Variants in WDR72 observed in about 807,000 individuals in gnomAD.
The protein encoded by WDR72 is WD repeat domain 72.
Under a neutral mutation model 124.2 loss-of-function variants are expected in WDR72, and 120 were observed. That is an observed-to-expected ratio of 0.97 (90% CI 0.83 to 1.12). The LOEUF (loss-of-function observed/expected upper bound fraction) is 1.12. Among genes scored for constraint, WDR72 ranks in the 50% most tolerant of loss-of-function variants. The pLI is 0.00. For missense variants in WDR72, 1,387 were observed against 1,278.8 expected, an observed-to-expected ratio of 1.08 and a Z score of -1.29; for synonymous variants, 452 against 441.7, an observed-to-expected ratio of 1.02 and a Z score of -0.29.
rs1306389360 is a variant in WDR72 at position 53,692,069 on chromosome 15, T to A, written c.1765+7681A>T. Among the ~76,000 whole-genome samples the A allele has an allele frequency of 2.6e-5, 4 of 152,222 alleles. No individual in the cohort carries two copies. The East Asian group carries it at 7.7e-4, about 29-fold the overall frequency. On this transcript the variant is annotated intron_variant, in intron 13 of 19. Coordinates refer to ENST00000360509, the MANE Select transcript of WDR72 (RefSeq NM_182758.4). ...TTCAGATTAGTGAGAAAGACAGATG[T>A]TAACCCCAGAAATGTAATTATGAGA... is the stretch of plus-strand genomic sequence containing the variant.
intron 18 of WDR72, among the ~76,000 whole-genome samples, chr15:53,523,560 C>G (rs978301621): frequency 6.6e-6 from 1 of 152,004 alleles, no homozygotes; most frequent in Non-Finnish European, 1.5e-5. Flanking sequence ...TTCACGGCAT[C>G]AGCTTAAAAG....
intron 13 of WDR72, among the ~76,000 whole-genome samples, chr15:53,677,662 C>T (rs897471943): frequency 1.1e-4 from 17 of 152,134 alleles, no homozygotes; most frequent in Non-Finnish European, 2.2e-4. Flanking sequence ...CTTTGCTCCC[C>T]TTTTTCCTTC....
Position 53,577,563 on chromosome 15 carries a change from T to G in WDR72, c.3148+19516A>C, listed in dbSNP as rs116755796. ...TTCTACCTTGTGTCTTAGCACTGCTTTATAATGGATATATAAAGCAGTGTA... is the reference window on the plus strand; with the variant it reads ...TTCTACCTTGTGTCTTAGCACTGCTGTATAATGGATATATAAAGCAGTGTA... On this transcript the variant is annotated intron_variant, in intron 18 of 19. Coordinates refer to ENST00000360509, the MANE Select transcript of WDR72 (RefSeq NM_182758.4). Among the ~76,000 whole-genome samples, 394 of 152,286 alleles carry G rather than the reference T, an allele frequency of 2.6e-3. 2 individuals are homozygous for G. Among genetic ancestry groups the G allele is most frequent in the African/African-American group, 9.2e-3 (383 of 41,568 alleles).
In WDR72 at chr15:53,523,303, C is replaced by G; in HGVS notation, c.3168G>C (p.Lys1056Asn). Residue 1056 changes from lysine to asparagine, a missense_variant, in exon 19 of 20, where the codon AAG (lysine) becomes AAC (asparagine). Physicochemically the swap from Lys to Asn is moderately conservative, Grantham distance 94. Transcript: ENST00000360509. ...TTGCCGAGTTTGAGTTGCTGTCATGCTTGACCGGGCTGACTGGAGCTATTA... is the reference window on the plus strand; with the variant it reads ...TTGCCGAGTTTGAGTTGCTGTCATGGTTGACCGGGCTGACTGGAGCTATTA... ...LPLQTPVSPVKHDSNSNSANF... is the reference protein window; with the variant it reads ...LPLQTPVSPVNHDSNSNSANF... The G allele has an allele frequency of 6.2e-7, 1 of 1,612,494 alleles. No individual in the cohort carries two copies. The highest frequency in any genetic ancestry group is 8.5e-7 in the Non-Finnish European group (1 of 1,179,328).
chr15:53,526,549 T>G (rs1369342905), intron 18 of WDR72, among the ~76,000 whole-genome samples: 1 of 152,108 alleles, frequency 6.6e-6, no homozygotes, highest in African/African-American at 2.4e-5. Context: ...CCTGTGAAAG[T>G]TAGCTATAGA....
intron 14 of WDR72, among the ~76,000 whole-genome samples, chr15:53,630,023 A>G (rs1223632795): frequency 6.6e-6 from 1 of 152,248 alleles, no homozygotes; most frequent in Non-Finnish European, 1.5e-5. Context: ...AAGTAATGAA[A>G]GAGGGGTATC....
upstream of WDR72, chr15:53,759,812 C>G (rs2019025628): frequency 6.6e-6 from 1 of 151,684 alleles, no homozygotes; most frequent in African/African-American, 2.4e-5. Context: ...CACCCGCTCT[C>G]CCTTCCTGCA....
intron 14 of WDR72, among the ~76,000 whole-genome samples, chr15:53,650,892 A>ACTTTTTT (rs2015211827): frequency 1.5e-5 from 1 of 64,834 alleles, no homozygotes; most frequent in African/African-American, 6.5e-5. Flanking sequence ...CCTCTAATTC[A>ACTTTTTT]GTTTTTTTTT....
At chr15:53,673,920 G>A (rs144733472) in intron 13 of WDR72, among the ~76,000 whole-genome samples, 1,989 of 152,228 alleles carry the variant, frequency 0.013, 32 homozygotes, top group East Asian at 0.069. Flanking sequence ...GAACCCGGGA[G>A]GCGGAGGTTT....
At chr15:53,754,064 GAAACA>G (rs753979939) in intron 1 of WDR72, among the ~76,000 whole-genome samples, 6 of 152,008 alleles carry the variant, frequency 3.9e-5, no homozygotes, top group Non-Finnish European at 5.9e-5. Flanking sequence ...TAAAGAAAAT[GAAACA>G]AAACAAAACA....
At chr15:53,583,329 T>C (rs1028054255) in intron 18 of WDR72, among the ~76,000 whole-genome samples, 11 of 152,074 alleles carry the variant, frequency 7.2e-5, no homozygotes, top group Non-Finnish European at 1.5e-4. Flanking sequence ...TGAAAATAAC[T>C]CATCTAATTT....
intron 18 of WDR72, among the ~76,000 whole-genome samples, chr15:53,541,463 A>G (rs904068496): frequency 3.8e-4 from 58 of 151,030 alleles, no homozygotes; most frequent in African/African-American, 1.3e-3. Context: ...TAACAAACAG[A>G]AAGGACATCC....
At chr15:53,560,266 T>C (rs902476729) in intron 18 of WDR72, among the ~76,000 whole-genome samples, 25 of 151,860 alleles carry the variant, frequency 1.6e-4, no homozygotes, top group African/African-American at 6.0e-4. Flanking sequence ...CAGATTGAGG[T>C]TGTGCCTTAC....
At chr15:53,759,724 C>CGCCCCGCCCCGCCCCGCCCCGGTCCT (rs2019021224), upstream of WDR72, 1 of 151,130 alleles carries the variant, frequency 6.6e-6, no homozygotes, top group Non-Finnish European at 1.5e-5. Flanking sequence ...CGCCTCGCCC[C>CGCCCCGCCCCGCCCCGCCCCGGTCCT]GCCCCGCCCC....
At chr15:53,568,943 A>G (rs1894401021) in intron 18 of WDR72, among the ~76,000 whole-genome samples, 1 of 152,062 alleles carries the variant, frequency 6.6e-6, no homozygotes, top group East Asian at 1.9e-4. Context: ...TATGACATAA[A>G]TTTTAATTAT....
chr15:53,654,151 G>A (rs892221511), intron 14 of WDR72, among the ~76,000 whole-genome samples: 1 of 152,112 alleles, frequency 6.6e-6, no homozygotes, highest in African/African-American at 2.4e-5. Flanking sequence ...ATGAAATTCA[G>A]TATATCCTGA....
At chr15:53,740,530 T>A (rs149598958) in intron 1 of WDR72, among the ~76,000 whole-genome samples, 107 of 152,212 alleles carry the variant, frequency 7.0e-4, no homozygotes, top group African/African-American at 2.5e-3. Context: ...TCTCCTGACC[T>A]CGTGATCCGC....
rs145527072 is a variant in WDR72, at chr15:53,566,477, C to CG, written c.3148+30601dup. On this transcript the variant is annotated intron_variant, in intron 18 of 19. Transcript: ENST00000360509. ...GATTTACAGCTGGAAAGCAAGGAGT[C>CG]GGGGGGTGACTTTTGAGTTTGAGGT... is the stretch of plus-strand genomic sequence containing the variant. 4.1e-3 allele frequency among the ~76,000 whole-genome samples: 620 copies of CG among 151,974 alleles called. 7 individuals carry two copies. Among genetic ancestry groups the CG allele is most frequent in the African/African-American group, 0.014 (589 of 41,490 alleles).
rs139552263 is a variant in WDR72, at chr15:53,516,461, T to G, written c.*1238A>C. The G allele has an allele frequency of 6.6e-6, 1 of 152,062 alleles. No homozygotes were observed. The highest frequency in any genetic ancestry group is 1.5e-5 in the Non-Finnish European group (1 of 67,992). The allele number at this position is 152,062 out of a possible 1,614,324, so 9.4% of individuals were successfully genotyped here. A position where few individuals can be genotyped will look rare whatever the true frequency, so the allele number is the denominator to read the frequency against. On this transcript the variant is annotated 3_prime_UTR_variant, in exon 20 of 20. Coordinates refer to ENST00000360509, the MANE Select transcript of WDR72 (RefSeq NM_182758.4). ...AAATGTTTCTTTAATTGAAGTGACTTGAACTTCTCTGTTAGATACATACAT... is the reference window on the plus strand; with the variant it reads ...AAATGTTTCTTTAATTGAAGTGACTGGAACTTCTCTGTTAGATACATACAT...
Sources: allele counts gnomAD v4.1 joint callset (sites outside exome capture counted in the v4.1 genomes callset), GRCh38; gene constraint gnomAD v4.1.1; transcripts MANE v1.5; gene names NCBI Gene and HGNC (gene_info 2026-07-23, HGNC 2026-07-21).